Variants in DTNBP1 observed in about 807,000 individuals in gnomAD.
DTNBP1 encodes dystrobrevin binding protein 1, also known as dysbindin.
A neutral mutation model predicts 42.8 loss-of-function variants in DTNBP1; 35 were observed. That is an observed-to-expected ratio of 0.82 (90% CI 0.63 to 1.09). The LOEUF (loss-of-function observed/expected upper bound fraction) is 1.09, where lower values mean the gene tolerates loss of function less well. DTNBP1 is among the 50% of genes least tolerant of loss of function. DTNBP1 has a pLI of 0.00. For missense variants in DTNBP1, 457 were observed against 424.2 expected, an observed-to-expected ratio of 1.08 and a Z score of -0.68; for synonymous variants, 171 against 162.2, an observed-to-expected ratio of 1.05 and a Z score of -0.41.
chr6:15,616,689 T>C (rs561484704), intron 5 of DTNBP1, among the ~76,000 whole-genome samples: 1 of 152,370 alleles, frequency 6.6e-6, no homozygotes, highest in Non-Finnish European at 1.5e-5. Flanking sequence ...GCATTTAGGT[T>C]TGAGGCAAAC....
chr6:15,557,555 A>C (rs1277865440), intron 7 of DTNBP1, among the ~76,000 whole-genome samples: 1 of 152,214 alleles, frequency 6.6e-6, no homozygotes, highest in East Asian at 1.9e-4. Context: ...TTAAGACTGG[A>C]CAAATTTATC....
At chr6:15,581,573 C>T (rs1775840077) in intron 7 of DTNBP1, among the ~76,000 whole-genome samples, 1 of 151,186 alleles carries the variant, frequency 6.6e-6, no homozygotes, top group Non-Finnish European at 1.5e-5. Flanking sequence ...CTCTGCCTCC[C>T]AGGTTCAAGC....
chr6:15,568,039 T>G (rs932249475), intron 7 of DTNBP1, among the ~76,000 whole-genome samples: 1 of 152,140 alleles, frequency 6.6e-6, no homozygotes, highest in African/African-American at 2.4e-5. Context: ...ACCTTGGCAT[T>G]TGAGAAAACA....
intron 7 of DTNBP1, among the ~76,000 whole-genome samples, chr6:15,545,717 C>T (rs1016200086): frequency 1.3e-5 from 2 of 152,176 alleles, no homozygotes; most frequent in African/African-American, 4.8e-5. Context: ...TTCCTAAAAC[C>T]ATGCTGCAGG....
At chr6:15,622,201 A>G (rs1352029622) in intron 5 of DTNBP1, among the ~76,000 whole-genome samples, 1 of 152,230 alleles carries the variant, frequency 6.6e-6, no homozygotes, top group Non-Finnish European at 1.5e-5. Flanking sequence ...TTGTAAAAGA[A>G]TAAACATGAG....
chr6:15,636,974 C>T (rs1010614685), intron 4 of DTNBP1, among the ~76,000 whole-genome samples: 1 of 152,108 alleles, frequency 6.6e-6, no homozygotes, highest in African/African-American at 2.4e-5. Flanking sequence ...TCTATTCTGC[C>T]TTACTACCAG....
chr6:15,653,080 A>G (rs1761101162), intron 1 of DTNBP1, among the ~76,000 whole-genome samples: 1 of 152,236 alleles, frequency 6.6e-6, no homozygotes, highest in African/African-American at 2.4e-5. Flanking sequence ...TAAGCAGCAC[A>G]CTTCATTAAG....
At chr6:15,553,654 T>C (rs957741299) in intron 7 of DTNBP1, among the ~76,000 whole-genome samples, 5 of 151,038 alleles carry the variant, frequency 3.3e-5, no homozygotes, top group Admixed American at 6.6e-5. Flanking sequence ...TAAAAGCCTA[T>C]GTAGGTTCCT....
chr6:15,609,384 A>G (rs1204106233), intron 6 of DTNBP1, among the ~76,000 whole-genome samples: 1 of 151,810 alleles, frequency 6.6e-6, no homozygotes, highest in Non-Finnish European at 1.5e-5. Flanking sequence ...CAGTGGTGCA[A>G]TCTCGGCTCA....
At chr6:15,558,306 C>T (rs1162549845) in intron 7 of DTNBP1, among the ~76,000 whole-genome samples, 6 of 145,808 alleles carry the variant, frequency 4.1e-5, no homozygotes, top group African/African-American at 1.3e-4. Context: ...GAGTCTCTGT[C>T]GCCAGGCTGG....
intron 6 of DTNBP1, among the ~76,000 whole-genome samples, chr6:15,612,879 T>G (rs1758491830): frequency 6.6e-6 from 1 of 152,234 alleles, no homozygotes; most frequent in South Asian, 2.1e-4. Context: ...TCTCTAACTT[T>G]TCATTTAACA....
chr6:15,529,367 C>T (rs528474004), intron 8 of DTNBP1, among the ~76,000 whole-genome samples: 4 of 152,318 alleles, frequency 2.6e-5, no homozygotes, highest in African/African-American at 9.6e-5. Flanking sequence ...GAATAAATTA[C>T]ATTTATTCAA....
intron 8 of DTNBP1, among the ~76,000 whole-genome samples, chr6:15,531,554 A>G (rs1352826716): frequency 6.6e-6 from 1 of 152,246 alleles, no homozygotes; most frequent in African/African-American, 2.4e-5. Context: ...ATTCACCAGC[A>G]CACTCTGAAG....
intron 5 of DTNBP1, among the ~76,000 whole-genome samples, chr6:15,624,383 C>T (rs1023843863): frequency 2.0e-5 from 3 of 152,166 alleles, no homozygotes; most frequent in African/African-American, 4.8e-5. Flanking sequence ...ATTAAATAGG[C>T]TCCTGTAAGC....
At chr6:15,533,538 C>T in intron 7 of DTNBP1, 143 bp from the exon 8 acceptor site, 1 of 1,372,130 alleles carries the variant, frequency 7.3e-7, no homozygotes, top group Non-Finnish European at 1.0e-6. Flanking sequence ...ACTGCGTGTA[C>T]AGCTGGCCTC....
At chr6:15,543,330 G>C (rs1018137071) in intron 7 of DTNBP1, among the ~76,000 whole-genome samples, 2 of 152,058 alleles carry the variant, frequency 1.3e-5, no homozygotes, top group Non-Finnish European at 2.9e-5. Flanking sequence ...CTGGTATAAG[G>C]TCAAAACCCA....
At chr6:15,612,282 T>G (rs908047069) in intron 6 of DTNBP1, among the ~76,000 whole-genome samples, 2 of 152,198 alleles carry the variant, frequency 1.3e-5, no homozygotes, top group Non-Finnish European at 2.9e-5. Context: ...ACATTGTGCT[T>G]TAAGACATAA....
chr6:15,542,955 C>T (rs1773665119), intron 7 of DTNBP1, among the ~76,000 whole-genome samples: 1 of 152,154 alleles, frequency 6.6e-6, no homozygotes, highest in Admixed American at 6.5e-5. Context: ...CCACCTGAGT[C>T]TCCCAAAGTG....
intron 7 of DTNBP1, among the ~76,000 whole-genome samples, chr6:15,558,593 C>T (rs1231502196): frequency 6.6e-6 from 1 of 152,072 alleles, no homozygotes; most frequent in African/African-American, 2.4e-5. Flanking sequence ...AAATGCAGGT[C>T]TCTGATAACT....
Sources: gnomAD v4.1 joint callset for allele counts (sites outside exome capture counted in the v4.1 genomes callset) on GRCh38, gnomAD v4.1.1 for gene constraint, MANE v1.5 for transcripts, NCBI Gene and HGNC (gene_info 2026-07-23, HGNC 2026-07-21) for gene names.